Variants in DUSP16 observed in about 807,000 individuals in gnomAD.
The protein encoded by DUSP16 is dual specificity protein phosphatase 16.
In DUSP16, 21 loss-of-function variants were observed where a neutral mutation model predicts 58.3. That is an observed-to-expected ratio of 0.36 (90% CI 0.26 to 0.52). The LOEUF (loss-of-function observed/expected upper bound fraction) is 0.52, where lower values mean the gene tolerates loss of function less well. Among genes scored for constraint, DUSP16 ranks in the 20% least tolerant of loss-of-function variants. The pLI, the probability that DUSP16 is intolerant of heterozygous loss-of-function variation, is 0.94. For missense variants in DUSP16, 726 were observed against 819.0 expected (o/e 0.89, Z 1.39); for synonymous variants, 320 against 323.8 (o/e 0.99, Z 0.12).
intron 3 of DUSP16, among the ~76,000 whole-genome samples, chr12:12,510,040 T>C (rs1412866843): frequency 6.6e-6 from 1 of 152,190 alleles, no homozygotes; most frequent in Non-Finnish European, 1.5e-5. Context: ...GATTCTGCTG[T>C]ATCCACAGGA....
intron 1 of DUSP16, among the ~76,000 whole-genome samples, chr12:12,558,164 A>G (rs1004706806): frequency 3.3e-5 from 5 of 152,276 alleles, no homozygotes; most frequent in Admixed American, 6.5e-5. Context: ...TGTAAACAGC[A>G]TACTGCTAAC....
intron 1 of DUSP16, among the ~76,000 whole-genome samples, chr12:12,541,771 A>T (rs1944563320): frequency 6.6e-6 from 1 of 152,244 alleles, no homozygotes; most frequent in Non-Finnish European, 1.5e-5. Context: ...TAAATACAAG[A>T]GCACTGAAAA....
chr12:12,554,134 T>C (rs1177966687), intron 1 of DUSP16, among the ~76,000 whole-genome samples: 1 of 145,610 alleles, frequency 6.9e-6, no homozygotes, highest in East Asian at 2.0e-4. Context: ...GAGGCAGAGA[T>C]TGCAGTGAGC....
chr12:12,550,206 G>A (rs1944705194), intron 1 of DUSP16, among the ~76,000 whole-genome samples: 1 of 151,722 alleles, frequency 6.6e-6, no homozygotes, highest in Non-Finnish European at 1.5e-5. Flanking sequence ...CCGGGAGGCG[G>A]AGGCTGCAGT....
intron 1 of DUSP16, among the ~76,000 whole-genome samples, chr12:12,543,196 G>A (rs1035732930): frequency 2.0e-5 from 3 of 152,190 alleles, no homozygotes; most frequent in Non-Finnish European, 4.4e-5. Flanking sequence ...TGAAATACAC[G>A]TGTGGGCTAG....
chr12:12,480,392 C>G, intron 5 of DUSP16, 46 bp from the exon 6 acceptor site: 2 of 1,590,828 alleles, frequency 1.3e-6, no homozygotes, highest in Non-Finnish European at 1.7e-6. Context: ...CTATTTTGTT[C>G]AGCAGTGAAA....
intron 1 of DUSP16, among the ~76,000 whole-genome samples, chr12:12,540,094 T>C (rs1944528634): frequency 6.7e-6 from 1 of 148,428 alleles, no homozygotes; most frequent in Non-Finnish European, 1.5e-5. Context: ...AGTTTGAGAC[T>C]AGCCTAGGCA....
Position 12,520,861 on chromosome 12 carries a change from A to G in DUSP16, c.228+10T>C. The G allele has an allele frequency of 1.2e-6, 2 of 1,613,432 alleles. No homozygotes were observed. Among genetic ancestry groups the G allele is most frequent in the Non-Finnish European group, 1.7e-6 (2 of 1,179,482 alleles). ...ATTTATTTTGAAAAGGCAAAAAGGAAAGCGTTTACCTTATGTTTCGCTGAA... is the reference window on the plus strand; with the variant it reads ...ATTTATTTTGAAAAGGCAAAAAGGAGAGCGTTTACCTTATGTTTCGCTGAA... On this transcript the variant is annotated intron_variant, in intron 2 of 6. Transcript: ENST00000298573.
In DUSP16 at chr12:12,527,988, G is replaced by A. The variant is rs543249017; in HGVS notation, c.-365-6525C>T. On this transcript the variant is annotated intron_variant, in intron 1 of 6. Transcript: ENST00000298573. Reference sequence around the variant, plus strand: ...CGCTTTTAGGCACAGGCCAGCCCAGGCAGAGGCCAAATCTGTGAGAAGCCT... The same window carrying A: ...CGCTTTTAGGCACAGGCCAGCCCAGACAGAGGCCAAATCTGTGAGAAGCCT... 2.0e-3 allele frequency among the ~76,000 whole-genome samples: 311 copies of A among 152,308 alleles called. 2 individuals carry two copies. The highest frequency in any genetic ancestry group is 3.8e-3 in the Non-Finnish European group (260 of 68,018).
At chr12:12,547,015 T>C (rs997126148) in intron 1 of DUSP16, among the ~76,000 whole-genome samples, 1 of 152,232 alleles carries the variant, frequency 6.6e-6, no homozygotes, top group Non-Finnish European at 1.5e-5. Flanking sequence ...ATGAGAGCCA[T>C]GGACAACAAA....
chr12:12,487,393 T>A (rs1314043036), intron 4 of DUSP16, among the ~76,000 whole-genome samples: 1 of 152,144 alleles, frequency 6.6e-6, no homozygotes, highest in Non-Finnish European at 1.5e-5. Context: ...ACAAACGCTA[T>A]TTAAAATAGT....
chr12:12,540,888 A>C (rs1944542421), intron 1 of DUSP16, among the ~76,000 whole-genome samples: 1 of 150,428 alleles, frequency 6.6e-6, no homozygotes, highest in Admixed American at 6.6e-5. Context: ...GAGGCCACTT[A>C]GCACAGATTC....
chr12:12,490,712 G>A (rs1943750165), intron 4 of DUSP16, among the ~76,000 whole-genome samples: 1 of 152,108 alleles, frequency 6.6e-6, no homozygotes, highest in African/African-American at 2.4e-5. Flanking sequence ...TTAAAGAAGA[G>A]CAGGAACTTG....
Position 12,473,374 on chromosome 12 carries a change from G to A in DUSP16, c.*3459C>T, listed in dbSNP as rs1943353541. Among the ~76,000 whole-genome samples the A allele has an allele frequency of 6.6e-6, 1 of 152,194 alleles. No individual in the cohort carries two copies. The highest frequency in any genetic ancestry group is 2.4e-5 in the African/African-American group (1 of 41,450). ...TGGTCATGAAGGGGCTCCGAGCACT[G>A]TCAGCAACTGGCCTGAACTTCAGGC... On this transcript the variant is annotated 3_prime_UTR_variant, in exon 7 of 7. Transcript: ENST00000298573.
intron 4 of DUSP16, among the ~76,000 whole-genome samples, chr12:12,492,298 A>G (rs1157696322): frequency 1.3e-5 from 2 of 149,384 alleles, no homozygotes; most frequent in Non-Finnish European, 3.0e-5. Flanking sequence ...CTGAAGAATG[A>G]CCTTGCTTCC....
At chr12:12,480,445 C>A in intron 5 of DUSP16, 99 bp from the exon 6 acceptor site, 1 of 1,423,136 alleles carries the variant, frequency 7.0e-7, no homozygotes, top group South Asian at 1.4e-5. Context: ...ACCTGAAAAC[C>A]TCTACGCAAA....
At position 12,528,067 on chromosome 12, in the gene DUSP16, A is replaced by G. The variant is rs558176143; in HGVS notation, c.-365-6604T>C. 6.1e-4 allele frequency among the ~76,000 whole-genome samples: 93 copies of G among 152,334 alleles called. 2 individuals carry two copies. In the South Asian group the frequency reaches 0.017, roughly 29 times the overall value. On this transcript the variant is annotated intron_variant, in intron 1 of 6. Coordinates refer to ENST00000298573, the MANE Select transcript of DUSP16 (RefSeq NM_030640.3). ...GCACTCCCCTCCTGGTATTGGCTCA[A>G]TCAGAGCTCTTGTCTTTTTCTTAGT...
chr12:12,503,265 G>A (rs1037318983), intron 3 of DUSP16, among the ~76,000 whole-genome samples: 21 of 134,918 alleles, frequency 1.6e-4, no homozygotes, highest in Non-Finnish European at 2.9e-4. Flanking sequence ...TCACTCTGTC[G>A]CCCAGGCTAG....
At chr12:12,502,701 A>G (rs1348346433) in intron 3 of DUSP16, among the ~76,000 whole-genome samples, 1 of 151,710 alleles carries the variant, frequency 6.6e-6, no homozygotes, top group Non-Finnish European at 1.5e-5. Flanking sequence ...ACAGGTATGC[A>G]CCACCACCCT....
Sources: allele counts gnomAD v4.1 joint callset (sites outside exome capture counted in the v4.1 genomes callset), GRCh38; gene constraint gnomAD v4.1.1; transcripts MANE v1.5; gene names NCBI Gene and HGNC (gene_info 2026-07-23, HGNC 2026-07-21).